The following HOMER1 variants were observed in gnomAD, a reference collection of about 807,000 sequenced individuals.
The protein encoded by HOMER1 is homer scaffold protein 1, also known as homer protein homolog 1.
A neutral mutation model predicts 48.9 loss-of-function variants in HOMER1; 3 were observed. That is an observed-to-expected ratio of 0.06 (90% confidence interval 0.03 to 0.16). The LOEUF is 0.16. Ranked by LOEUF, HOMER1 falls within the 10% of genes least tolerant of loss-of-function variation. The pLI is 1.00. For synonymous variants in HOMER1, 134 were observed against 146.4 expected (o/e 0.92, Z 0.61); for missense variants, 247 against 411.4 (o/e 0.60, Z 3.46).
intron 8 of HOMER1, among the ~76,000 whole-genome samples, chr5:79,385,555 C>T (rs1749087375): frequency 6.6e-6 from 1 of 152,044 alleles, no homozygotes; most frequent in African/African-American, 2.4e-5. Context: ...AAGATATCAT[C>T]TTATGGCCAG....
intron 1 of HOMER1, among the ~76,000 whole-genome samples, chr5:79,496,790 C>A (rs1752433872): frequency 6.6e-6 from 1 of 152,022 alleles, no homozygotes; most frequent in Non-Finnish European, 1.5e-5. Context: ...TCTGGCCAGG[C>A]ACGGTGGCTC....
Position 79,375,826 on chromosome 5 carries a change from C to A in HOMER1, c.*183G>T, listed in dbSNP as rs1748755048. ...TTCATCTTTTTTCCCCAACTAGCTACAAGCTGGATTCTAAAATTTACAGTG... is the reference window on the plus strand; with the variant it reads ...TTCATCTTTTTTCCCCAACTAGCTAAAAGCTGGATTCTAAAATTTACAGTG... On this transcript the variant is annotated 3_prime_UTR_variant, in exon 9 of 9. Coordinates refer to ENST00000334082, the MANE Select transcript of HOMER1 (RefSeq NM_004272.5). 1 of 405,030 alleles carries A rather than the reference C, an allele frequency of 2.5e-6. No homozygotes were observed. Among genetic ancestry groups the A allele is most frequent in the African/African-American group, 2.1e-5 (1 of 48,364 alleles). The allele number at this position is 405,030 out of a possible 1,614,324, so 25.1% of individuals were successfully genotyped here. A position where few individuals can be genotyped will look rare whatever the true frequency, so the allele number is the denominator to read the frequency against.
chr5:79,468,188 TGA>T lies in HOMER1; in HGVS notation c.6-11172_6-11171del, dbSNP rs554799214. On this transcript the variant is annotated intron_variant, in intron 1 of 8. Coordinates refer to ENST00000334082, the MANE Select transcript of HOMER1 (RefSeq NM_004272.5). ...GCATGTGAAATTCAGCTGGTGCAACTGAGAAAGTGAATTAATTTAAACTTTAT... is the reference window on the plus strand; with the variant it reads ...GCATGTGAAATTCAGCTGGTGCAACTGAAAGTGAATTAATTTAAACTTTAT... Among the ~76,000 whole-genome samples the T allele has an allele frequency of 7.2e-5, 11 of 152,338 alleles. No homozygotes were observed. The East Asian group carries it at 1.9e-3, about 27-fold the overall frequency.
chr5:79,425,337 A>G (rs186864679), intron 5 of HOMER1, among the ~76,000 whole-genome samples: 10 of 152,124 alleles, frequency 6.6e-5, no homozygotes, highest in Non-Finnish European at 1.2e-4. Context: ...GAGAATAAAG[A>G]GTCCAGCTTT....
chr5:79,511,435 T>C (rs1752939214), intron 1 of HOMER1, among the ~76,000 whole-genome samples: 1 of 152,210 alleles, frequency 6.6e-6, no homozygotes, highest in African/African-American at 2.4e-5. Context: ...CAATTCGTTT[T>C]TTACAGTTTG....
chr5:79,473,271 T>C (rs1013558953), intron 1 of HOMER1, among the ~76,000 whole-genome samples: 3 of 152,254 alleles, frequency 2.0e-5, no homozygotes, highest in Non-Finnish European at 4.4e-5. Context: ...GCTTTGAATG[T>C]GGCCCAACAC....
intron 5 of HOMER1, among the ~76,000 whole-genome samples, chr5:79,418,340 C>T (rs1750000425): frequency 6.6e-6 from 1 of 152,148 alleles, no homozygotes; most frequent in Non-Finnish European, 1.5e-5. Flanking sequence ...CCTTCTAAAG[C>T]CTTCCTGATC....
intron 8 of HOMER1, among the ~76,000 whole-genome samples, chr5:79,384,130 C>T (rs1360289959): frequency 6.9e-6 from 1 of 144,552 alleles, no homozygotes; most frequent in African/African-American, 2.5e-5. Flanking sequence ...AACCACCAAA[C>T]CTCAAAATAG....
At position 79,379,687 on chromosome 5, in the gene HOMER1, G is replaced by A. The variant is rs527688795; in HGVS notation, c.877-3490C>T. Among the ~76,000 whole-genome samples, 15 of 150,996 alleles carry A rather than the reference G, an allele frequency of 9.9e-5. No individual in the cohort carries two copies. The East Asian group carries it at 1.8e-3, about 18-fold the overall frequency. ...CTCAAACTCCTGGGCTCAAGTGATC[G>A]TCCTGCCGCGGCCTCCCAAAGTGCT... On this transcript the variant is annotated intron_variant, in intron 8 of 8. Coordinates refer to ENST00000334082, the MANE Select transcript of HOMER1 (RefSeq NM_004272.5).
rs139456039 is a variant in HOMER1, at chr5:79,396,582, C to T, written c.876+241G>A. 6.7e-3 allele frequency among the ~76,000 whole-genome samples: 1,010 copies of T among 151,712 alleles called. 4 individuals are homozygous for T. The highest frequency in any genetic ancestry group is 0.011 in the Non-Finnish European group (752 of 67,908). On this transcript the variant is annotated intron_variant, in intron 8 of 8. Coordinates refer to ENST00000334082, the MANE Select transcript of HOMER1 (RefSeq NM_004272.5). ...TTTTTTTAATTAAAAGTAGAAATTT[C>T]CAAAAGGATTTACTAAATAATTTAC...
chr5:79,378,221 T>TTA (rs756900477), intron 8 of HOMER1, among the ~76,000 whole-genome samples: 5 of 97,484 alleles, frequency 5.1e-5, no homozygotes, highest in African/African-American at 1.4e-4. Context: ...AGACTCTGTC[T>TTA]CAAAAAAAAA....
rs1176298069 is a variant in HOMER1, at chr5:79,376,214, G to A, written c.877-17C>T. On this transcript the variant is annotated splice_polypyrimidine_tract_variant and intron_variant, in intron 8 of 8. Transcript: ENST00000334082. ...TTCTACTTCCTTCAGAAACAAAAGT[G>A]TAACATGTATATATGTCAATTCATC... is the stretch of plus-strand genomic sequence containing the variant. 6.3e-7 allele frequency: 1 copy of A among 1,588,080 alleles called. No individual in the cohort carries two copies. Among genetic ancestry groups the A allele is most frequent in the East Asian group, 2.2e-5 (1 of 44,720 alleles).
At chr5:79,468,007 C>T (rs961571535) in intron 1 of HOMER1, among the ~76,000 whole-genome samples, 1 of 152,130 alleles carries the variant, frequency 6.6e-6, no homozygotes, top group Non-Finnish European at 1.5e-5. Flanking sequence ...CTCCTGGGCT[C>T]ATGCGATCCT....
intron 1 of HOMER1, among the ~76,000 whole-genome samples, chr5:79,471,646 C>T (rs779798697): frequency 2.6e-5 from 4 of 152,000 alleles, no homozygotes; most frequent in African/African-American, 7.2e-5. Context: ...AATCAGCTTC[C>T]GTGGCCTGGG....
intron 5 of HOMER1, among the ~76,000 whole-genome samples, chr5:79,426,399 T>TAGTACCACAC (rs902190206): frequency 2.0e-5 from 3 of 152,158 alleles, no homozygotes; most frequent in Admixed American, 1.3e-4. Context: ...TATCTACAAA[T>TAGTACCACAC]AGTACCACAC....
intron 1 of HOMER1, among the ~76,000 whole-genome samples, chr5:79,481,755 A>G (rs761992943): frequency 2.0e-4 from 31 of 152,128 alleles, no homozygotes; most frequent in Non-Finnish European, 4.1e-4. Context: ...AGCACATGGG[A>G]CATTGGGTAA....
At chr5:79,394,840 G>T (rs1749340282) in intron 8 of HOMER1, among the ~76,000 whole-genome samples, 2 of 152,196 alleles carry the variant, frequency 1.3e-5, no homozygotes, top group Admixed American at 1.3e-4. Context: ...AAAGCACTGG[G>T]ATTATAGGCA....
At chr5:79,484,726 T>C (rs7737833) in intron 1 of HOMER1, among the ~76,000 whole-genome samples, 5,657 of 152,178 alleles carry the variant, frequency 0.037, 358 homozygotes, top group African/African-American at 0.13. Context: ...CTCGCAAATA[T>C]CAATCATAAG....
intron 8 of HOMER1, among the ~76,000 whole-genome samples, chr5:79,378,404 C>T (rs1051814258): frequency 7.3e-5 from 11 of 151,062 alleles, no homozygotes; most frequent in African/African-American, 2.2e-4. Flanking sequence ...TTTAAGGAAT[C>T]GAATCTCAAA....
Sources: gnomAD v4.1 joint callset for allele counts (sites outside exome capture counted in the v4.1 genomes callset) on GRCh38, gnomAD v4.1.1 for gene constraint, MANE v1.5 for transcripts, NCBI Gene and HGNC (gene_info 2026-07-23, HGNC 2026-07-21) for gene names.